The following MAP4K1 variants were observed in gnomAD, a reference collection of about 807,000 sequenced individuals.
MAP4K1 encodes mitogen-activated protein kinase kinase kinase kinase 1, also known as MAPK/ERK kinase kinase kinase 1.
In MAP4K1, 35 loss-of-function variants were observed where a neutral mutation model predicts 122.8. The ratio of observed to expected loss-of-function variants is 0.29; its 90% CI spans 0.22 to 0.38. The LOEUF (loss-of-function observed/expected upper bound fraction) is 0.38. Ranked by LOEUF, MAP4K1 falls within the 10% of genes least tolerant of loss-of-function variation. The probability of loss-of-function intolerance (pLI) is 1.00; values close to 1 mark genes in which losing one functional copy is unlikely to be tolerated. For missense variants in MAP4K1, 791 were observed against 1,072.6 expected, an observed-to-expected ratio of 0.74 and a Z score of 3.67; for synonymous variants, 412 against 421.3, an observed-to-expected ratio of 0.98 and a Z score of 0.27.
Position 38,617,786 on chromosome 19 carries a change from G to A in MAP4K1, c.99+11C>T, listed in dbSNP as rs370899219. On this transcript the variant is annotated intron_variant, in intron 1 of 30. Coordinates refer to ENST00000396857, the MANE Select transcript of MAP4K1 (RefSeq NM_001042600.3). This position sits in a 1 kb window ranked among gnomAD's most constrained non-coding sequence, Gnocchi z 4.1. ...GGTTGTAGGGTGTTGGGGACAGAGG[G>A]GCTTCCTCACCTTAAAGACTTCCCC... 27 of 1,613,758 alleles carry A rather than the reference G, an allele frequency of 1.7e-5. 1 individual carries two copies. In the South Asian group the frequency reaches 1.8e-4, roughly 10 times the overall value.
chr19:38,597,128 G>A lies in MAP4K1; in HGVS notation c.1847C>T (p.Ala616Val). 1.2e-6 allele frequency: 2 copies of A among 1,614,078 alleles called. No individual in the cohort carries two copies. The highest frequency in any genetic ancestry group is 1.7e-6 in the Non-Finnish European group (2 of 1,179,984). The change falls in exon 25 of 31, where the codon GCG (alanine) becomes GTG (valine). Residue 616 changes from alanine to valine, a missense_variant. Physicochemically the swap from Ala to Val is moderately conservative, Grantham distance 64. Around this residue, in one of 4 missense-constraint regions of MAP4K1, gnomAD observed 267 missense variants for 323.0 expected, o/e 0.83. Transcript: ENST00000396857. The surrounding 1 kb of genome is among the most constrained non-coding windows in gnomAD (Gnocchi z 4.6). ...GCRACCVAEG[A>V]SSGGPFLCGA... Reference sequence around the variant, plus strand: ...GCACAGGAACGGGCCCCCAGAGCTCGCACCCTCCGCTGTGGCATGGGCAAG... The same window carrying A: ...GCACAGGAACGGGCCCCCAGAGCTCACACCCTCCGCTGTGGCATGGGCAAG...
chr19:38,608,799 CAA>C (rs1031744033), intron 13 of MAP4K1, among the ~76,000 whole-genome samples: 167 of 9,504 alleles, frequency 0.018, no homozygotes, highest in South Asian at 0.05. Context: ...AACTCCGTCT[CAA>C]AAAAAAAAAA....
intron 30 of MAP4K1, among the ~76,000 whole-genome samples, chr19:38,588,361 C>T (rs1367592081): frequency 2.0e-5 from 3 of 152,192 alleles, no homozygotes; most frequent in South Asian, 4.2e-4. Flanking sequence ...AAGTGGTTCC[C>T]ACTGGCTAAA....
chr19:38,603,215 TAC>T (rs1270330945), intron 19 of MAP4K1, among the ~76,000 whole-genome samples: 6 of 148,606 alleles, frequency 4.0e-5, no homozygotes, highest in Non-Finnish European at 8.9e-5. Context: ...CATACATATA[TAC>T]ACATATACAT....
At chr19:38,614,577 G>A in intron 4 of MAP4K1, 132 bp from the exon 5 acceptor site, 1 of 933,068 alleles carries the variant, frequency 1.1e-6, no homozygotes. Flanking sequence ...CCAGTGGGAG[G>A]GGGAGATGGT....
chr19:38,598,645 CTA>C (rs1358864127), intron 22 of MAP4K1, among the ~76,000 whole-genome samples: 1 of 152,150 alleles, frequency 6.6e-6, no homozygotes, highest in African/African-American at 2.4e-5. Flanking sequence ...ATTTTGAAAT[CTA>C]TAACTTGCTC....
At chr19:38,612,833 C>T in intron 8 of MAP4K1, 91 bp from the exon 9 acceptor site, 2 of 1,384,728 alleles carry the variant, frequency 1.4e-6, no homozygotes, top group Non-Finnish European at 2.0e-6. Context: ...AGGGGAGACG[C>T]AGCACACAGA....
intron 22 of MAP4K1, among the ~76,000 whole-genome samples, chr19:38,599,603 C>T (rs527831143): frequency 2.6e-5 from 4 of 151,646 alleles, no homozygotes; most frequent in Admixed American, 2.0e-4. Flanking sequence ...CAGAGGTTGC[C>T]GTGAGCTGAG....
At chr19:38,615,121 G>A (rs1320714149) in intron 4 of MAP4K1, among the ~76,000 whole-genome samples, 1 of 151,922 alleles carries the variant, frequency 6.6e-6, no homozygotes, top group Non-Finnish European at 1.5e-5. Flanking sequence ...GTGACAGTGG[G>A]TGAAGACATG....
intron 8 of MAP4K1, 23 bp downstream of exon 8, chr19:38,613,857 G>A: frequency 6.3e-7 from 1 of 1,579,584 alleles, no homozygotes; most frequent in Non-Finnish European, 8.6e-7. Flanking sequence ...TCCACCCCTA[G>A]CTGCCCGCTG....
In MAP4K1 at chr19:38,617,917, C is replaced by A. The variant is rs532758247; in HGVS notation, c.-22G>T. 1.2e-6 allele frequency: 2 copies of A among 1,606,714 alleles called. No individual in the cohort carries two copies. The highest frequency in any genetic ancestry group is 2.7e-5 in the African/African-American group (2 of 74,898). Reference sequence around the variant, plus strand: ...CCATCCCTGGGGGCCTGAGCTGGGCCTGCGCCCAGGGGCCAGCAGGGCCTC... The same window carrying A: ...CCATCCCTGGGGGCCTGAGCTGGGCATGCGCCCAGGGGCCAGCAGGGCCTC... On this transcript the variant is annotated 5_prime_UTR_variant, in exon 1 of 31. It adds an upstream start codon to the 5' untranslated region. Coordinates refer to ENST00000396857, the MANE Select transcript of MAP4K1 (RefSeq NM_001042600.3). This position sits in a 1 kb window ranked among gnomAD's most constrained non-coding sequence, Gnocchi z 4.1.
intron 4 of MAP4K1, among the ~76,000 whole-genome samples, chr19:38,615,743 C>T (rs914404309): frequency 6.6e-6 from 1 of 152,020 alleles, no homozygotes; most frequent in Non-Finnish European, 1.5e-5. Flanking sequence ...AGAGGTTTTC[C>T]GCCTCCCAGA....
In MAP4K1 at chr19:38,611,125, C is replaced by A. The variant is rs931070239; in HGVS notation, c.736G>T (p.Ala246Ser). 1.8e-5 allele frequency: 29 copies of A among 1,613,432 alleles called. No individual in the cohort carries two copies. The highest frequency in any genetic ancestry group is 2.5e-5 in the Non-Finnish European group (29 of 1,179,802). ...GTGACTTTGATGAAGTTGTGGAAGG[C>A]AGCCGACCTTGGGAAGAAGAAGCCA... is the stretch of plus-strand genomic sequence containing the variant. ...RLKEKGKWSA[A>S]FHNFIKVTLT... Residue 246 changes from alanine to serine, a missense_variant, in exon 11 of 31, where the codon GCC becomes TCC. Physicochemically the swap from Ala to Ser is moderately conservative, Grantham distance 99. This residue lies in a region of MAP4K1 where 303 missense variants were observed against 344.8 expected (regional missense o/e 0.88). Coordinates refer to ENST00000396857, the MANE Select transcript of MAP4K1 (RefSeq NM_001042600.3).
intron 19 of MAP4K1, among the ~76,000 whole-genome samples, chr19:38,603,666 C>G (rs551042906): frequency 6.6e-6 from 1 of 152,116 alleles, no homozygotes; most frequent in Admixed American, 6.6e-5. Context: ...GAGACCCTGC[C>G]TCTATAAAAC....
At chr19:38,607,485 G>A (rs1043063039) in intron 16 of MAP4K1, among the ~76,000 whole-genome samples, 20 of 151,216 alleles carry the variant, frequency 1.3e-4, no homozygotes, top group South Asian at 4.2e-4. Flanking sequence ...GCTTGAACCC[G>A]GGGAGCCGAG....
rs531035649 is a variant in MAP4K1 at position 38,614,003 on chromosome 19, C to T, written c.460+40G>A. The T allele has an allele frequency of 1.2e-5, 19 of 1,613,192 alleles. No individual in the cohort carries two copies. In the African/African-American group the frequency reaches 1.9e-4, roughly 16 times the overall value. ...TCTGGGGTCCACTGCGCTTCCGGCC[C>T]CCCAGTCAGCCCCCCTGCTCAACCC... On this transcript the variant is annotated intron_variant, in intron 7 of 30. Transcript: ENST00000396857.
intron 19 of MAP4K1, among the ~76,000 whole-genome samples, chr19:38,602,577 T>C: frequency 6.7e-6 from 1 of 149,142 alleles, no homozygotes. Context: ...TATATACATA[T>C]ATATACACAT....
chr19:38,602,182 T>C (rs1325868163), intron 19 of MAP4K1, among the ~76,000 whole-genome samples: 10 of 152,098 alleles, frequency 6.6e-5, no homozygotes, highest in Admixed American at 5.9e-4. Flanking sequence ...CTCAAGCAAT[T>C]CTTCTGCCTC....
chr19:38,603,819 A>G (rs543070357), intron 19 of MAP4K1, among the ~76,000 whole-genome samples: 1 of 152,208 alleles, frequency 6.6e-6, no homozygotes, highest in Admixed American at 6.5e-5. Flanking sequence ...CTCCGTCTCT[A>G]CTAAAAATAC....
Sources: gnomAD v4.1 joint callset for allele counts (sites outside exome capture counted in the v4.1 genomes callset) on GRCh38, gnomAD v4.1.1 for gene constraint, gnomAD v4.1.1 regional missense constraint, Gnocchi (gnomAD v3.1) non-coding constraint, MANE v1.5 for transcripts, NCBI Gene and HGNC (gene_info 2026-07-23, HGNC 2026-07-21) for gene names.